The following TMEM200A variants were observed in gnomAD, a reference collection of about 807,000 sequenced individuals.
The protein encoded by TMEM200A is transmembrane protein 200A, also known as two transmembrane C.
A neutral mutation model predicts 24.3 loss-of-function variants in TMEM200A; 12 were observed. That is an observed-to-expected ratio of 0.49 (90% CI 0.32 to 0.80). The LOEUF (loss-of-function observed/expected upper bound fraction) is 0.80, where lower values mean the gene tolerates loss of function less well. Ranked by LOEUF, TMEM200A falls within the 30% of genes least tolerant of loss-of-function variation. TMEM200A has a pLI of 0.04. For missense variants in TMEM200A, 545 were observed against 614.4 expected (o/e 0.89, Z 1.19); for synonymous variants, 224 against 224.4 (o/e 1.00, Z 0.02).
intron 2 of TMEM200A, among the ~76,000 whole-genome samples, chr6:130,402,766 G>T (rs1460488059): frequency 6.6e-6 from 1 of 151,964 alleles, no homozygotes; most frequent in Non-Finnish European, 1.5e-5. Flanking sequence ...GATATACAAA[G>T]TTTATTTAAA....
chr6:130,386,362 G>A (rs1267795331), intron 2 of TMEM200A, among the ~76,000 whole-genome samples: 1 of 152,142 alleles, frequency 6.6e-6, no homozygotes, highest in African/African-American at 2.4e-5. Context: ...AAACTGCTGT[G>A]GACCAAAATT....
chr6:130,426,631 T>C (rs915274256), intron 2 of TMEM200A, among the ~76,000 whole-genome samples: 10 of 152,118 alleles, frequency 6.6e-5, no homozygotes. Flanking sequence ...AGATCACTGA[T>C]GAGTTGGCAT....
chr6:130,410,335 A>C (rs985927229), intron 2 of TMEM200A, among the ~76,000 whole-genome samples: 2 of 152,230 alleles, frequency 1.3e-5, no homozygotes, highest in Non-Finnish European at 2.9e-5. Context: ...AGATGGACTC[A>C]AAATCTCTGG....
chr6:130,390,967 G>A (rs539632975), intron 2 of TMEM200A, among the ~76,000 whole-genome samples: 7 of 152,208 alleles, frequency 4.6e-5, no homozygotes, highest in Non-Finnish European at 7.3e-5. Context: ...CTGTGTGCTA[G>A]TAGTGCTCTA....
intron 2 of TMEM200A, among the ~76,000 whole-genome samples, chr6:130,405,668 T>C (rs6907753): frequency 0.49 from 74,078 of 152,034 alleles, 22,160 homozygotes; most frequent in African/African-American, 0.85. Flanking sequence ...ATTTAGTGGG[T>C]TATTGTCATT....
intron 2 of TMEM200A, among the ~76,000 whole-genome samples, chr6:130,417,859 CAT>C (rs1779494995): frequency 1.3e-5 from 2 of 152,096 alleles, no homozygotes; most frequent in African/African-American, 4.8e-5. Context: ...AAATAGTTGT[CAT>C]AAACTCCAAC....
At chr6:130,422,431 G>A (rs1779618786) in intron 2 of TMEM200A, among the ~76,000 whole-genome samples, 1 of 152,032 alleles carries the variant, frequency 6.6e-6, no homozygotes, top group Non-Finnish European at 1.5e-5. Context: ...ACCACACCCA[G>A]CTAATTTTTG....
At chr6:130,428,148 ATTC>A (rs1490063376) in intron 2 of TMEM200A, among the ~76,000 whole-genome samples, 2 of 152,120 alleles carry the variant, frequency 1.3e-5, no homozygotes, top group Non-Finnish European at 2.9e-5. Context: ...GCAATTAATC[ATTC>A]TTCTCAATTT....
chr6:130,402,629 T>A (rs1425038775), intron 2 of TMEM200A, among the ~76,000 whole-genome samples: 2 of 152,086 alleles, frequency 1.3e-5, no homozygotes, highest in African/African-American at 4.8e-5. Flanking sequence ...TTTCTTGCTG[T>A]CTACCTATGG....
intron 1 of TMEM200A, among the ~76,000 whole-genome samples, chr6:130,370,318 T>G (rs1010069476): frequency 6.6e-6 from 1 of 152,114 alleles, no homozygotes; most frequent in African/African-American, 2.4e-5. Flanking sequence ...ATTGAATTGG[T>G]CTCTGTGTCT....
At chr6:130,404,234 G>A (rs1779155270) in intron 2 of TMEM200A, among the ~76,000 whole-genome samples, 1 of 152,050 alleles carries the variant, frequency 6.6e-6, no homozygotes, top group Non-Finnish European at 1.5e-5. Flanking sequence ...CTGCCTTTAT[G>A]TCTCTGAAGA....
At chr6:130,427,357 C>A (rs965258212) in intron 2 of TMEM200A, among the ~76,000 whole-genome samples, 9 of 152,260 alleles carry the variant, frequency 5.9e-5, no homozygotes, top group Admixed American at 5.9e-4. Context: ...GAACATTTTT[C>A]ATTTTAGTAT....
At chr6:130,369,130 A>G (rs1224642368) in intron 1 of TMEM200A, among the ~76,000 whole-genome samples, 1 of 152,220 alleles carries the variant, frequency 6.6e-6, no homozygotes, top group African/African-American at 2.4e-5. Flanking sequence ...CTGACCTAAC[A>G]TTGATTATGT....
chr6:130,402,101 T>C (rs1779103342), intron 2 of TMEM200A, among the ~76,000 whole-genome samples: 1 of 151,726 alleles, frequency 6.6e-6, no homozygotes, highest in African/African-American at 2.4e-5. Context: ...AGGCTTTTGG[T>C]TTTATTACTA....
intron 2 of TMEM200A, among the ~76,000 whole-genome samples, chr6:130,433,953 T>C (rs1486027381): frequency 6.6e-6 from 1 of 152,202 alleles, no homozygotes; most frequent in East Asian, 1.9e-4. Flanking sequence ...CACCACTTCT[T>C]GGAAGCCTGT....
At chr6:130,369,961 A>G (rs1188328919) in intron 1 of TMEM200A, among the ~76,000 whole-genome samples, 1 of 152,192 alleles carries the variant, frequency 6.6e-6, no homozygotes, top group African/African-American at 2.4e-5. Flanking sequence ...CTCAGGATTC[A>G]TTTGCTTGCA....
At chr6:130,419,776 T>G (rs1166357867) in intron 2 of TMEM200A, among the ~76,000 whole-genome samples, 1 of 152,210 alleles carries the variant, frequency 6.6e-6, no homozygotes, top group Admixed American at 6.5e-5. Flanking sequence ...TGACACCACT[T>G]GTCTTAGTCT....
intron 2 of TMEM200A, among the ~76,000 whole-genome samples, chr6:130,429,386 G>A (rs1779822297): frequency 6.6e-6 from 1 of 152,122 alleles, no homozygotes; most frequent in Admixed American, 6.5e-5. Context: ...GCCAGGCATG[G>A]TGTCATGCGC....
intron 2 of TMEM200A, among the ~76,000 whole-genome samples, chr6:130,424,787 G>GTCTT (rs1779689117): frequency 1.3e-5 from 2 of 152,242 alleles, no homozygotes; most frequent in Admixed American, 1.3e-4. Flanking sequence ...AGTGAATTCT[G>GTCTT]TCTTTTGCTT....
Sources: gnomAD v4.1 joint callset for allele counts (sites outside exome capture counted in the v4.1 genomes callset) on GRCh38, gnomAD v4.1.1 for gene constraint, MANE v1.5 for transcripts, NCBI Gene and HGNC (gene_info 2026-07-23, HGNC 2026-07-21) for gene names.